Variants in UNC13C observed in about 807,000 individuals in gnomAD.
UNC13C encodes the protein protein unc-13 homolog C.
In UNC13C, 174 loss-of-function variants were observed where a neutral mutation model predicts 245.4. The observed-to-expected ratio is 0.71, with a 90% CI of 0.63 to 0.80. UNC13C has a LOEUF of 0.80. UNC13C is among the 30% of genes least tolerant of loss of function. The pLI is 0.00. For synonymous variants in UNC13C, 992 were observed against 895.1 expected, an observed-to-expected ratio of 1.11 and a Z score of -1.93; for missense variants, 2,829 against 2,602.9, an observed-to-expected ratio of 1.09 and a Z score of -1.89.
chr15:54,290,524 G>T (rs1374630819), intron 10 of UNC13C, among the ~76,000 whole-genome samples: 1 of 151,930 alleles, frequency 6.6e-6, no homozygotes, highest in African/African-American at 2.4e-5. Flanking sequence ...TCATCTATTG[G>T]TATCCCATTT....
At chr15:54,147,396 T>C (rs530307211) in intron 4 of UNC13C, among the ~76,000 whole-genome samples, 1 of 152,116 alleles carries the variant, frequency 6.6e-6, no homozygotes, top group Admixed American at 6.5e-5. Flanking sequence ...TTTTTTTGTA[T>C]TTTTAGTAGA....
intron 6 of UNC13C, 105 bp downstream of exon 6, chr15:54,236,540 C>T: frequency 1.2e-6 from 1 of 862,094 alleles, no homozygotes; most frequent in Non-Finnish European, 1.8e-6. Context: ...AATGAAAAGA[C>T]AGACATACAA....
chr15:54,096,661 T>A (rs1899882893), intron 2 of UNC13C, among the ~76,000 whole-genome samples: 1 of 152,212 alleles, frequency 6.6e-6, no homozygotes, highest in Non-Finnish European at 1.5e-5. Flanking sequence ...CTAACTTTCT[T>A]ACCATTGCCT....
At chr15:54,265,238 A>T in intron 9 of UNC13C, 117 bp from the exon 10 acceptor site, 1 of 683,842 alleles carries the variant, frequency 1.5e-6, no homozygotes, top group Non-Finnish European at 2.2e-6. Context: ...GAATGAAAGC[A>T]ATGGGGATGC....
At chr15:54,542,591 C>T (rs1896296875) in intron 26 of UNC13C, among the ~76,000 whole-genome samples, 2 of 152,118 alleles carry the variant, frequency 1.3e-5, no homozygotes, top group African/African-American at 4.8e-5. Context: ...CTAATATTGA[C>T]AGTAGGGTGT....
intron 23 of UNC13C, among the ~76,000 whole-genome samples, chr15:54,507,607 T>C (rs1567336602): frequency 6.6e-6 from 1 of 152,108 alleles, no homozygotes; most frequent in African/African-American, 2.4e-5. Context: ...AACGTTAATA[T>C]ATGGAACAAT....
At chr15:54,299,865 C>T (rs564757941) in intron 12 of UNC13C, among the ~76,000 whole-genome samples, 2 of 152,146 alleles carry the variant, frequency 1.3e-5, no homozygotes, top group Admixed American at 6.5e-5. Context: ...AGAACCTGTG[C>T]CTTATTTGCT....
chr15:54,084,507 G>C (rs1899129687), intron 2 of UNC13C, among the ~76,000 whole-genome samples: 1 of 152,186 alleles, frequency 6.6e-6, no homozygotes, highest in Non-Finnish European at 1.5e-5. Context: ...ATTTTCAAAA[G>C]TCAGGGGTCC....
intron 30 of UNC13C, among the ~76,000 whole-genome samples, chr15:54,583,115 C>T (rs566585270): frequency 1.2e-4 from 18 of 152,174 alleles, no homozygotes; most frequent in African/African-American, 4.3e-4. Context: ...TTAGGAACCA[C>T]AATTTGAGAA....
chr15:53,840,380 G>A, the UNC13C span, among the ~76,000 whole-genome samples: 393 of 152,134 alleles, frequency 2.6e-3, 1 homozygote, highest in Admixed American at 5.2e-3. Context: ...TTTACTGAGC[G>A]CTTGCAATGG....
intron 19 of UNC13C, among the ~76,000 whole-genome samples, chr15:54,423,228 A>G (rs1386663221): frequency 6.6e-6 from 1 of 151,866 alleles, no homozygotes; most frequent in East Asian, 1.9e-4. Context: ...CTAGCAGTTT[A>G]ACAACACTGT....
At chr15:54,611,057 C>T (rs776478403) in intron 30 of UNC13C, among the ~76,000 whole-genome samples, 1 of 152,058 alleles carries the variant, frequency 6.6e-6, no homozygotes, top group Non-Finnish European at 1.5e-5. Context: ...GATGAGGTGG[C>T]ATATTAAGTG....
Position 54,627,105 on chromosome 15 carries a change from AGT to A in UNC13C, c.6639_6640del (p.Ala2214LeufsTer15). 6.2e-7 allele frequency: 1 copy of A among 1,608,414 alleles called. No homozygotes were observed. The highest frequency in any genetic ancestry group is 8.5e-7 in the Non-Finnish European group (1 of 1,176,718). ...ATCTGAAACAAGATCTACTGAAGAG[AGT>A]GCTTGAAACAAACACTGCAAGCTAA... ...LKSETRSTEE[S>X]A On this transcript the variant is annotated frameshift_variant, in exon 33 of 33. Coordinates refer to ENST00000260323, the MANE Select transcript of UNC13C (RefSeq NM_001080534.3). LOFTEE classifies it high-confidence loss of function.
the UNC13C span, among the ~76,000 whole-genome samples, chr15:53,861,107 C>T: frequency 6.6e-6 from 1 of 152,044 alleles, no homozygotes; most frequent in Admixed American, 6.6e-5. Flanking sequence ...TTCAAAATAT[C>T]ATATATTTCT....
At chr15:54,319,419 T>G (rs551911639) in intron 13 of UNC13C, among the ~76,000 whole-genome samples, 2 of 151,904 alleles carry the variant, frequency 1.3e-5, no homozygotes, top group Admixed American at 1.3e-4. Flanking sequence ...TTATAATCAA[T>G]TCAGTGTATA....
chr15:54,486,539 AATCCACATT>A (rs1241583608), intron 19 of UNC13C, among the ~76,000 whole-genome samples: 24 of 152,288 alleles, frequency 1.6e-4, no homozygotes, highest in Middle Eastern at 3.4e-3. Context: ...AAAGGAATGA[AATCCACATT>A]TTAGTCCTTA....
chr15:53,933,433 G>A, the UNC13C span, among the ~76,000 whole-genome samples: 13 of 152,070 alleles, frequency 8.5e-5, no homozygotes, highest in East Asian at 1.7e-3. Context: ...TCAAAACGAT[G>A]GTATTACTAT....
At chr15:54,417,253 A>C (rs569636262) in intron 19 of UNC13C, among the ~76,000 whole-genome samples, 1 of 152,298 alleles carries the variant, frequency 6.6e-6, no homozygotes, top group African/African-American at 2.4e-5. Flanking sequence ...TTTACCAGGT[A>C]ATCCCAACTC....
intron 10 of UNC13C, among the ~76,000 whole-genome samples, chr15:54,286,220 G>A (rs2037145920): frequency 6.6e-6 from 1 of 152,036 alleles, no homozygotes; most frequent in Admixed American, 6.6e-5. Flanking sequence ...ATAAAAGCTG[G>A]TACAATACTA....
Sources: gnomAD v4.1 joint callset for allele counts (sites outside exome capture counted in the v4.1 genomes callset) on GRCh38, gnomAD v4.1.1 for gene constraint, MANE v1.5 for transcripts, NCBI Gene and HGNC (gene_info 2026-07-23, HGNC 2026-07-21) for gene names.